ZNF385D: variants seen among roughly 807,000 people sequenced by gnomAD.
ZNF385D encodes the protein zinc finger protein 659.
In ZNF385D, 15 loss-of-function variants were observed where a neutral mutation model predicts 35.8. That is an observed-to-expected ratio of 0.42 (90% confidence interval 0.28 to 0.64). The LOEUF (loss-of-function observed/expected upper bound fraction) is 0.64. Ranked by LOEUF, ZNF385D falls within the 30% of genes least tolerant of loss-of-function variation. The pLI is 0.23. For missense variants in ZNF385D, 474 were observed against 494.6 expected (o/e 0.96, Z 0.39); for synonymous variants, 212 against 186.8 (o/e 1.13, Z -1.10).
intron 3 of ZNF385D, among the ~76,000 whole-genome samples, chr3:22,019,875 G>C (rs894427330): frequency 2.6e-5 from 4 of 151,778 alleles, no homozygotes; most frequent in Non-Finnish European, 5.9e-5. Context: ...TATGTATAAA[G>C]TCTCTAAGAT....
intron 3 of ZNF385D, among the ~76,000 whole-genome samples, chr3:22,136,775 A>G (rs1490925229): frequency 6.6e-6 from 1 of 152,204 alleles, no homozygotes; most frequent in Non-Finnish European, 1.5e-5. Flanking sequence ...GAGAACTGTC[A>G]AGCCACTAAA....
At chr3:22,079,577 G>C (rs9812708) in intron 3 of ZNF385D, among the ~76,000 whole-genome samples, 24,728 of 151,772 alleles carry the variant, frequency 0.16, 2,195 homozygotes, top group African/African-American at 0.22. Flanking sequence ...CGCAAAGCAG[G>C]TCAGAGCTTT....
At chr3:22,084,129 T>C (rs1402380302) in intron 3 of ZNF385D, among the ~76,000 whole-genome samples, 1 of 152,160 alleles carries the variant, frequency 6.6e-6, no homozygotes, top group Non-Finnish European at 1.5e-5. Flanking sequence ...TGCAAAAACA[T>C]GCCAAATTGT....
rs188428563 is a variant in ZNF385D at position 21,555,982 on chromosome 3, C to T, written c.276+8592G>A. Among the ~76,000 whole-genome samples the T allele has an allele frequency of 2.6e-3, 393 of 151,668 alleles. 2 individuals are homozygous for T. Among genetic ancestry groups the T allele is most frequent in the African/African-American group, 9.1e-3 (375 of 41,350 alleles). ...TGACCAGTGATGATGAGCTTTTTTTCCATGTTTGTTGGCTGCATAAATGTC... is the reference window on the plus strand; with the variant it reads ...TGACCAGTGATGATGAGCTTTTTTTTCATGTTTGTTGGCTGCATAAATGTC... On this transcript the variant is annotated intron_variant, in intron 3 of 7. Coordinates refer to ENST00000281523, the MANE Select transcript of ZNF385D (RefSeq NM_024697.3).
chr3:22,021,750 T>G (rs1215948151), intron 3 of ZNF385D, among the ~76,000 whole-genome samples: 1 of 152,094 alleles, frequency 6.6e-6, no homozygotes, highest in Admixed American at 6.6e-5. Context: ...TTTCCAAGCA[T>G]TTCCACTAAC....
chr3:21,751,504 C>G, upstream of ZNF385D: 6 of 957,034 alleles, frequency 6.3e-6, no homozygotes, highest in Non-Finnish European at 7.5e-6. Context: ...TACCCCGCCC[C>G]TCCTGTGAAT....
intron 2 of ZNF385D, among the ~76,000 whole-genome samples, chr3:21,569,827 G>A (rs11129009): frequency 0.18 from 25,999 of 144,224 alleles, 2,366 homozygotes; most frequent in East Asian, 0.28. Flanking sequence ...CAAGCACTGC[G>A]TGTTCTCACT....
intron 2 of ZNF385D, among the ~76,000 whole-genome samples, chr3:22,254,345 G>T (rs1040970313): frequency 2.6e-5 from 4 of 151,552 alleles, no homozygotes; most frequent in Admixed American, 6.6e-5. Context: ...TTATTTTTCC[G>T]TGCAAGCAGG....
At chr3:22,013,975 C>A (rs1279205865) in intron 3 of ZNF385D, among the ~76,000 whole-genome samples, 2 of 152,044 alleles carry the variant, frequency 1.3e-5, no homozygotes, top group Non-Finnish European at 2.9e-5. Flanking sequence ...ACAAACTGAC[C>A]AAATGTTTGA....
chr3:21,665,622 C>T lies in ZNF385D; in HGVS notation c.23-594G>A, dbSNP rs568957388. Among the ~76,000 whole-genome samples the T allele has an allele frequency of 2.0e-5, 3 of 152,282 alleles. No homozygotes were observed. In the East Asian group the frequency reaches 5.8e-4, roughly 29 times the overall value. ...TCTGAACTATTCAGCACCCCTACAG[C>T]TCTGAGTATTCAACAACTCCCTGCC... is the stretch of plus-strand genomic sequence containing the variant. On this transcript the variant is annotated intron_variant, in intron 1 of 7. Coordinates refer to ENST00000281523, the MANE Select transcript of ZNF385D (RefSeq NM_024697.3).
intron 2 of ZNF385D, among the ~76,000 whole-genome samples, chr3:22,208,451 G>A (rs1697298893): frequency 6.6e-6 from 1 of 151,684 alleles, no homozygotes; most frequent in South Asian, 2.1e-4. Flanking sequence ...CAAGTGTGGG[G>A]TGGGTAGATG....
At chr3:22,218,683 C>T (rs1352158241) in intron 2 of ZNF385D, among the ~76,000 whole-genome samples, 1 of 152,118 alleles carries the variant, frequency 6.6e-6, no homozygotes, top group African/African-American at 2.4e-5. Flanking sequence ...ACTCTTCACT[C>T]TTGATAGACT....
chr3:22,048,774 A>C (rs1261055116), intron 3 of ZNF385D, among the ~76,000 whole-genome samples: 1 of 152,134 alleles, frequency 6.6e-6, no homozygotes, highest in Non-Finnish European at 1.5e-5. Context: ...TTTTCCATTT[A>C]AGTGGAAAAT....
intron 3 of ZNF385D, among the ~76,000 whole-genome samples, chr3:22,008,655 C>G (rs1171984266): frequency 6.6e-6 from 1 of 152,162 alleles, no homozygotes; most frequent in African/African-American, 2.4e-5. Context: ...CGCGCCCAGC[C>G]CGGGCCATGC....
intron 3 of ZNF385D, among the ~76,000 whole-genome samples, chr3:21,920,144 G>C (rs1377753065): frequency 6.6e-6 from 1 of 152,124 alleles, no homozygotes; most frequent in African/African-American, 2.4e-5. Flanking sequence ...AGAGACTATA[G>C]GTGTCCCCCA....
At chr3:21,625,950 T>A (rs1373816264) in intron 2 of ZNF385D, among the ~76,000 whole-genome samples, 35 of 152,072 alleles carry the variant, frequency 2.3e-4, no homozygotes, top group Non-Finnish European at 1.5e-5. Context: ...TTTATTTAAA[T>A]CTTACTTTTG....
intron 3 of ZNF385D, among the ~76,000 whole-genome samples, chr3:21,935,435 A>C (rs922259949): frequency 6.6e-6 from 1 of 152,122 alleles, no homozygotes. Flanking sequence ...TGGGACATAG[A>C]TATAAAGTAA....
At chr3:22,320,520 T>A (rs1694362669) in intron 2 of ZNF385D, among the ~76,000 whole-genome samples, 1 of 151,618 alleles carries the variant, frequency 6.6e-6, no homozygotes, top group Non-Finnish European at 1.5e-5. Context: ...AGTGAGGAAA[T>A]ATTTATTAGA....
At position 21,942,975 on chromosome 3, in the gene ZNF385D, A is replaced by G. The variant is rs542685426; in HGVS notation, c.325+225842T>C. ...TATAACTTAACCCTTCTAGGTCCAC[A>G]CTGGAATCTTCATGACAATGGTTAA... On this transcript the variant is annotated intron_variant, in intron 3 of 5. Transcript: ENST00000494108. 6.6e-4 allele frequency among the ~76,000 whole-genome samples: 100 copies of G among 152,266 alleles called. No individual in the cohort carries two copies. In the South Asian group the frequency reaches 0.012, roughly 19 times the overall value.
Sources: gnomAD v4.1 joint callset for allele counts (sites outside exome capture counted in the v4.1 genomes callset) on GRCh38, gnomAD v4.1.1 for gene constraint, MANE v1.5 for transcripts, NCBI Gene and HGNC (gene_info 2026-07-23, HGNC 2026-07-21) for gene names.